The following CHRNG variants were observed in gnomAD, a reference collection of about 807,000 sequenced individuals.
CHRNG encodes the protein acetylcholine receptor subunit gamma.
CHRNG carries 72 observed loss-of-function variants against 65.2 expected under a neutral mutation model. The ratio of observed to expected loss-of-function variants is 1.10; its 90% confidence interval spans 0.91 to 1.34. The LOEUF is 1.34. Ranked by LOEUF, CHRNG falls within the 40% of genes most tolerant of loss-of-function variation. The pLI, the probability that CHRNG is intolerant of heterozygous loss-of-function variation, is 0.00. For missense variants in CHRNG, 637 were observed against 680.1 expected, an observed-to-expected ratio of 0.94 and a Z score of 0.70; for synonymous variants, 284 against 290.2, an observed-to-expected ratio of 0.98 and a Z score of 0.22.
chr2:232,542,379 G>A (rs779393244), intron 5 of CHRNG, 44 bp from the exon 6 acceptor site: 6 of 1,353,954 alleles, frequency 4.4e-6, no homozygotes, highest in Non-Finnish European at 6.3e-6. Flanking sequence ...AGTCGTGGCA[G>A]GTCCACCCGC....
rs1373229908 is a variant in CHRNG at position 232,543,097 on chromosome 2, T to C, written c.805+15T>C. The stretch of plus-strand genomic sequence containing the variant: ...TCCTGCCAAGGGTACCTGGAGCCTA[T>C]GGGAAGGAGCCATCCAGTAGCACAG... On this transcript the variant is annotated intron_variant, in intron 7 of 11. Coordinates refer to ENST00000651502, the MANE Select transcript of CHRNG (RefSeq NM_005199.5). 7 of 1,612,880 alleles carry C rather than the reference T, an allele frequency of 4.3e-6. No homozygotes were observed. Among genetic ancestry groups the C allele is most frequent in the East Asian group, 4.5e-5 (2 of 44,892 alleles).
In CHRNG at chr2:232,541,995, G is replaced by C. The variant is rs1363744012; in HGVS notation, c.507-428G>C. On this transcript the variant is annotated intron_variant, in intron 5 of 11. Transcript: ENST00000651502. The surrounding 1 kb of genome is among the most constrained non-coding windows in gnomAD (Gnocchi z 4.0). ...TTTCCTCAAACCTAAGTGTGGGGAGGAGGGCCCGGGGGAGGGTTCTCCTGT... is the reference window on the plus strand; with the variant it reads ...TTTCCTCAAACCTAAGTGTGGGGAGCAGGGCCCGGGGGAGGGTTCTCCTGT... 2 of 315,740 alleles carry C rather than the reference G, an allele frequency of 6.3e-6. No individual in the cohort carries two copies. Among genetic ancestry groups the C allele is most frequent in the Non-Finnish European group, 1.2e-5 (2 of 165,384 alleles). 19.6% of individuals were successfully genotyped at this position (315,740 alleles called of 1,614,324 possible). A position where few individuals can be genotyped will look rare whatever the true frequency, so the allele number is the denominator to read the frequency against.
Position 232,544,456 on chromosome 2 carries a change from G to C in CHRNG, c.1125G>C (p.Gln375His). 6.2e-7 allele frequency: 1 copy of C among 1,613,756 alleles called. No homozygotes were observed. Among genetic ancestry groups the C allele is most frequent in the Non-Finnish European group, 8.5e-7 (1 of 1,180,020 alleles). The change falls in exon 10 of 12, where the codon CAG becomes CAC. Residue 375 changes from glutamine to histidine, a missense_variant. By Grantham distance (24) the Gln-to-His change is conservative. Coordinates refer to ENST00000651502, the MANE Select transcript of CHRNG (RefSeq NM_005199.5). ...TGCAGGACACCCAGTCCCGGCTACA[G>C]AATGGCTCCTCGGGATGGTCGATCA... ...AAVQDTQSRL[Q>H]NGSSGWSITT...
In CHRNG at chr2:232,546,130, A is replaced by C; in HGVS notation, c.*414A>C. Reference sequence around the variant, plus strand: ...AAAGAGGGCAGTCACAAGAGGTGTGAAGAGTAGCAGCCGATGCTCTCTCCA... The same window carrying C: ...AAAGAGGGCAGTCACAAGAGGTGTGCAGAGTAGCAGCCGATGCTCTCTCCA... On this transcript the variant is annotated 3_prime_UTR_variant, in exon 12 of 12. Transcript: ENST00000651502. 3.0e-6 allele frequency: 1 copy of C among 328,152 alleles called. No individual in the cohort carries two copies. The highest frequency in any genetic ancestry group is 6.0e-6 in the Non-Finnish European group (1 of 167,168). 20.3% of individuals were successfully genotyped at this position (328,152 alleles called of 1,614,324 possible).
rs1692126645 is a variant in CHRNG at position 232,545,994 on chromosome 2, C to T, written c.*278C>T. The T allele has an allele frequency of 1.8e-6, 1 of 563,302 alleles. No homozygotes were observed. Among genetic ancestry groups the T allele is most frequent in the South Asian group, 1.9e-5 (1 of 51,514 alleles). 34.9% of individuals were successfully genotyped at this position (563,302 alleles called of 1,614,324 possible). ...CAGCCACCCCTCCACTCAGTGCACT[C>T]CCCTCACTTAGGCAAAGCATTATTC... On this transcript the variant is annotated 3_prime_UTR_variant, in exon 12 of 12. Coordinates refer to ENST00000651502, the MANE Select transcript of CHRNG (RefSeq NM_005199.5).
At chr2:232,543,794 C>T (rs1387862695) in intron 9 of CHRNG, 95 bp downstream of exon 9, 23 of 776,162 alleles carry the variant, frequency 3.0e-5, no homozygotes, top group Non-Finnish European at 5.0e-5. Flanking sequence ...TGGCATTCCA[C>T]AGCACACCCA....
In CHRNG at chr2:232,544,352, C is replaced by T; in HGVS notation, c.1036-15C>T. The T allele has an allele frequency of 6.2e-7, 1 of 1,602,176 alleles. No homozygotes were observed. The highest frequency in any genetic ancestry group is 8.5e-7 in the Non-Finnish European group (1 of 1,170,414). On this transcript the variant is annotated splice_polypyrimidine_tract_variant and intron_variant, in intron 9 of 11. Transcript: ENST00000651502. ...AGCTCGGCCTGCTGCCCTAGTGAAG[C>T]CACCCCCTCTCTAGGTGTTCCTGAG...
Position 232,541,415 on chromosome 2 carries a change from T to G in CHRNG, c.392T>G (p.Leu131Arg). Residue 131 changes from leucine (L) to arginine (R), a missense_variant, in exon 5 of 12, where the codon CTC becomes CGC. Leu to Arg is a moderately radical substitution (Grantham distance 102). Transcript: ENST00000651502. The surrounding 1 kb of genome is among the most constrained non-coding windows in gnomAD (Gnocchi z 4.0). ...VFEVALYCNV[L>R]VSPDGCIYWL... ...GAGGTGGCCCTCTACTGCAATGTGC[T>G]CGTGTCCCCTGACGGCTGTATCTAC... 1 of 1,614,120 alleles carries G rather than the reference T, an allele frequency of 6.2e-7. No homozygotes were observed. The highest frequency in any genetic ancestry group is 8.5e-7 in the Non-Finnish European group (1 of 1,179,986).
chr2:232,541,957 G>A lies in CHRNG; in HGVS notation c.506+428G>A, dbSNP rs1692025439. The A allele has an allele frequency of 6.1e-6, 2 of 329,370 alleles. No homozygotes were observed. Among genetic ancestry groups the A allele is most frequent in the Non-Finnish European group, 1.2e-5 (2 of 172,904 alleles). 20.4% of individuals were successfully genotyped at this position (329,370 alleles called of 1,614,324 possible). A position where few individuals can be genotyped will look rare whatever the true frequency, so the allele number is the denominator to read the frequency against. On this transcript the variant is annotated intron_variant, in intron 5 of 11. Coordinates refer to ENST00000651502, the MANE Select transcript of CHRNG (RefSeq NM_005199.5). This position sits in a 1 kb window ranked among gnomAD's most constrained non-coding sequence, Gnocchi z 4.0. ...GTATGCAACCAAGCCACCCCTGGGG[G>A]TCTCTGGGTCTGTTTCCTCAAACCT...
Position 232,541,794 on chromosome 2 carries a change from G to C in CHRNG, c.506+265G>C. 1.1e-5 allele frequency: 6 copies of C among 561,098 alleles called. No homozygotes were observed. In the South Asian group the frequency reaches 1.2e-4, roughly 11 times the overall value. The allele number at this position is 561,098 out of a possible 1,614,324, so 34.8% of individuals were successfully genotyped here. A position where few individuals can be genotyped will look rare whatever the true frequency, so the allele number is the denominator to read the frequency against. On this transcript the variant is annotated intron_variant, in intron 5 of 11. Transcript: ENST00000651502. This position sits in a 1 kb window ranked among gnomAD's most constrained non-coding sequence, Gnocchi z 4.0. ...TCCAAGGGGAGACATTCACGCCTGG[G>C]GTGCGTGGGTGAGAAGGCACACATG...
chr2:232,540,079 CG>C lies in CHRNG; in HGVS notation c.145del (p.Asp49MetfsTer7). ...DPNLRPAERD[S>X]DVVNVSLKLT... ...AACCTGCGGCCCGCGGAACGAGACT[CG>C]GATGTGGTCAATGTCAGCCTGAAGC... On this transcript the variant is annotated frameshift_variant, in exon 2 of 12. Coordinates refer to ENST00000651502, the MANE Select transcript of CHRNG (RefSeq NM_005199.5). LOFTEE classifies it high-confidence loss of function. The surrounding 1 kb of genome is among the most constrained non-coding windows in gnomAD (Gnocchi z 4.2). The C allele has an allele frequency of 6.2e-7, 1 of 1,614,192 alleles. No homozygotes were observed. Among genetic ancestry groups the C allele is most frequent in the Non-Finnish European group, 8.5e-7 (1 of 1,180,020 alleles).
At chr2:232,545,318 CAAA>C (rs1156427198) in intron 11 of CHRNG, among the ~76,000 whole-genome samples, 3 of 64,726 alleles carry the variant, frequency 4.6e-5, no homozygotes, top group Non-Finnish European at 9.4e-5. Context: ...GACTCCGTCT[CAAA>C]AAAAAAAAAA....
At position 232,545,632 on chromosome 2, in the gene CHRNG, C is replaced by A; in HGVS notation, c.1470C>A (p.Gly490=). The A allele has an allele frequency of 6.2e-7, 1 of 1,614,136 alleles. No individual in the cohort carries two copies. Among genetic ancestry groups the A allele is most frequent in the Non-Finnish European group, 8.5e-7 (1 of 1,180,024 alleles). ...CGCTCTTCATCTGTGGCACAGCTGG[C>A]ATCTTCCTCATGGCCCACTACAACC... ...MLSLFICGTA[G]IFLMAHYNRV... is the part of the protein sequence containing the mutation. Residue 490 remains glycine (G), a synonymous_variant, in exon 12 of 12, where the codon GGC becomes GGA. Coordinates refer to ENST00000651502, the MANE Select transcript of CHRNG (RefSeq NM_005199.5).
chr2:232,543,289 T>C lies in CHRNG; in HGVS notation c.820T>C (p.Cys274Arg), dbSNP rs1402865856. 3 of 1,613,768 alleles carry C rather than the reference T, an allele frequency of 1.9e-6. No homozygotes were observed. Among genetic ancestry groups the C allele is most frequent in the African/African-American group, 1.3e-5 (1 of 74,862 alleles). The change falls in exon 8 of 12, where the codon TGT becomes CGT. Residue 274 changes from cysteine to arginine, a missense_variant. By Grantham distance (180) the Cys-to-Arg change is radical (BLOSUM62 -3). Coordinates refer to ENST00000651502, the MANE Select transcript of CHRNG (RefSeq NM_005199.5). ...FLPAKAGGQK[C>R]TVAINVLLAQ... ...GTCATGGATAGCTGGGGGCCAGAAG[T>C]GTACCGTCGCCATCAACGTGCTCCT... is the stretch of plus-strand genomic sequence containing the variant.
In CHRNG at chr2:232,544,782, G is replaced by C; in HGVS notation, c.1260G>C (p.Pro420=). The C allele has an allele frequency of 4.3e-6, 7 of 1,613,986 alleles. No homozygotes were observed. The highest frequency in any genetic ancestry group is 5.1e-6 in the Non-Finnish European group (6 of 1,180,010). Residue 420 remains proline, a synonymous_variant, in exon 11 of 12, where the codon CCG becomes CCC. Transcript: ENST00000651502. ...CTTTCTCTTTATCAGAGAAAGGCCCGGAGTTAGGGCTGAGCCAGTTCTGTG... is the reference window on the plus strand; with the variant it reads ...CTTTCTCTTTATCAGAGAAAGGCCCCGAGTTAGGGCTGAGCCAGTTCTGTG... The part of the protein sequence containing the change: ...AAALEKLEKG[P]ELGLSQFCGS...
chr2:232,540,322 T>C lies in CHRNG; in HGVS notation c.196-59T>C. 8 of 1,611,138 alleles carry C rather than the reference T, an allele frequency of 5.0e-6. No individual in the cohort carries two copies. Among genetic ancestry groups the C allele is most frequent in the South Asian group, 1.1e-5 (1 of 91,022 alleles). ...GATGCTTGGCCCCATTGGTGGCCTG[T>C]GGGGACTGGCACTGAAGTCGGGGGC... On this transcript the variant is annotated intron_variant, in intron 2 of 11. Coordinates refer to ENST00000651502, the MANE Select transcript of CHRNG (RefSeq NM_005199.5). This position sits in a 1 kb window ranked among gnomAD's most constrained non-coding sequence, Gnocchi z 4.2.
chr2:232,546,193 C>A lies in CHRNG; in HGVS notation c.*477C>A, dbSNP rs59295139. The A allele has an allele frequency of 0.023, 5,129 of 221,794 alleles. 128 individuals carry two copies. Among genetic ancestry groups the A allele is most frequent in the East Asian group, 0.084 (777 of 9,202 alleles). The allele number at this position is 221,794 out of a possible 1,614,324, so 13.7% of individuals were successfully genotyped here. On this transcript the variant is annotated 3_prime_UTR_variant, in exon 12 of 12. Transcript: ENST00000651502. ...AGCCCATACCAGCTGGCATCTCCCC[C>A]CCGTGCCTTCTGGGTACAATAAGCA... is the stretch of plus-strand genomic sequence containing the variant.
chr2:232,545,515 T>G, intron 11 of CHRNG, 28 bp from the exon 12 acceptor site: 1 of 1,609,654 alleles, frequency 6.2e-7, no homozygotes, highest in Non-Finnish European at 8.5e-7. Flanking sequence ...CCGCCGCTGG[T>G]TATCCCACAC....
At position 232,541,948 on chromosome 2, in the gene CHRNG, C is replaced by A; in HGVS notation, c.506+419C>A. On this transcript the variant is annotated intron_variant, in intron 5 of 11. Transcript: ENST00000651502. This position sits in a 1 kb window ranked among gnomAD's most constrained non-coding sequence, Gnocchi z 4.0. ...CGGAAGCATGTATGCAACCAAGCCACCCCTGGGGGTCTCTGGGTCTGTTTC... is the reference window on the plus strand; with the variant it reads ...CGGAAGCATGTATGCAACCAAGCCAACCCTGGGGGTCTCTGGGTCTGTTTC... 3 of 333,846 alleles carry A rather than the reference C, an allele frequency of 9.0e-6. No individual in the cohort carries two copies. The South Asian group carries it at 9.0e-5, about 10-fold the overall frequency. The allele number at this position is 333,846 out of a possible 1,614,324, so 20.7% of individuals were successfully genotyped here.
Sources: gnomAD v4.1 joint callset for allele counts (sites outside exome capture counted in the v4.1 genomes callset) on GRCh38, gnomAD v4.1.1 for gene constraint, Gnocchi (gnomAD v3.1) non-coding constraint, MANE v1.5 for transcripts, NCBI Gene and HGNC (gene_info 2026-07-23, HGNC 2026-07-21) for gene names.